AKAP13: variants seen among roughly 807,000 people sequenced by gnomAD.
AKAP13 encodes the protein A-kinase anchoring protein 13, also known as A-kinase anchor protein 13.
A neutral mutation model predicts 264.5 loss-of-function variants in AKAP13; 80 were observed. That is an observed-to-expected ratio of 0.30 (90% confidence interval 0.25 to 0.36). The LOEUF is 0.36. Ranked by LOEUF, AKAP13 falls within the 10% of genes least tolerant of loss-of-function variation. AKAP13 has a pLI of 1.00. For missense variants in AKAP13, 3,712 were observed against 3,435.2 expected, an observed-to-expected ratio of 1.08 and a Z score of -2.01; for synonymous variants, 1,380 against 1,250.2, an observed-to-expected ratio of 1.10 and a Z score of -2.19.
intron 2 of AKAP13, among the ~76,000 whole-genome samples, chr15:85,505,678 T>C (rs1169893694): frequency 6.6e-6 from 1 of 152,226 alleles, no homozygotes; most frequent in East Asian, 1.9e-4. Context: ...TTGCATGAGA[T>C]ACTTTGAGGT....
chr15:85,390,761 C>T lies in AKAP13; in HGVS notation c.-12+9963C>T, dbSNP rs181290253. 1.4e-4 allele frequency among the ~76,000 whole-genome samples: 21 copies of T among 152,212 alleles called. No individual in the cohort carries two copies. The East Asian group carries it at 3.5e-3, about 25-fold the overall frequency. ...CGCTGAAAATAGAACTATAGGATTA[C>T]TTACAGATTGGAAAAAGGTTCTAAA... On this transcript the variant is annotated intron_variant, in intron 1 of 36. Transcript: ENST00000394518.
intron 1 of AKAP13, among the ~76,000 whole-genome samples, chr15:85,431,045 A>G (rs1441039854): frequency 1.3e-5 from 2 of 152,184 alleles, no homozygotes; most frequent in African/African-American, 2.4e-5. Flanking sequence ...ATAATGAGAG[A>G]TAAAGGTCAT....
At chr15:85,621,851 C>T (rs2081205624) in intron 8 of AKAP13, among the ~76,000 whole-genome samples, 1 of 152,100 alleles carries the variant, frequency 6.6e-6, no homozygotes, top group African/African-American at 2.4e-5. Flanking sequence ...TTGTTTTCCC[C>T]ACAAACCTAC....
intron 13 of AKAP13, among the ~76,000 whole-genome samples, chr15:85,667,469 C>T (rs1296750102): frequency 6.6e-6 from 1 of 152,152 alleles, no homozygotes; most frequent in Non-Finnish European, 1.5e-5. Flanking sequence ...AAAATAGGAA[C>T]AATTCTTGGA....
At chr15:85,691,004 T>C (rs2151633199) in intron 16 of AKAP13, among the ~76,000 whole-genome samples, 1 of 152,350 alleles carries the variant, frequency 6.6e-6, no homozygotes, top group East Asian at 1.9e-4. Flanking sequence ...TTCAGATTTT[T>C]AGCTGTTATT....
At chr15:85,721,722 TAA>T (rs1401261370) in intron 23 of AKAP13, among the ~76,000 whole-genome samples, 3 of 152,238 alleles carry the variant, frequency 2.0e-5, no homozygotes, top group African/African-American at 7.2e-5. Context: ...GCACAGTACA[TAA>T]AGTTTCTTTA....
chr15:85,594,767 C>G (rs1191767316), intron 8 of AKAP13, among the ~76,000 whole-genome samples: 1 of 152,134 alleles, frequency 6.6e-6, no homozygotes, highest in Non-Finnish European at 1.5e-5. Context: ...CAGGGATCTA[C>G]CTGGGTACCT....
chr15:85,558,615 A>G (rs2078235763), intron 5 of AKAP13, among the ~76,000 whole-genome samples: 1 of 152,224 alleles, frequency 6.6e-6, no homozygotes, highest in East Asian at 1.9e-4. Flanking sequence ...TAAAGTTACC[A>G]GTTTCTGTAA....
chr15:85,681,523 G>A (rs2084598240), intron 14 of AKAP13, among the ~76,000 whole-genome samples: 1 of 152,004 alleles, frequency 6.6e-6, no homozygotes, highest in African/African-American at 2.4e-5. Context: ...GTACGCATCT[G>A]CCTCATTCAT....
chr15:85,619,549 G>T (rs2081083336), intron 8 of AKAP13: 1 of 985,172 alleles, frequency 1.0e-6, no homozygotes, highest in Non-Finnish European at 1.2e-6. Flanking sequence ...CTTTGTCTTT[G>T]TTTTTGTTTT....
intron 1 of AKAP13, among the ~76,000 whole-genome samples, chr15:85,384,398 G>A (rs1191735549): frequency 6.6e-6 from 1 of 152,188 alleles, no homozygotes; most frequent in Non-Finnish European, 1.5e-5. Context: ...AATGGGGAGA[G>A]ACGAGAAAGC....
chr15:85,668,576 G>C (rs1391341365), intron 13 of AKAP13, among the ~76,000 whole-genome samples: 3 of 152,188 alleles, frequency 2.0e-5, no homozygotes, highest in Admixed American at 2.0e-4. Flanking sequence ...AGAGATTTAG[G>C]CTTCTTTCCA....
chr15:85,623,880 G>T (rs1004348046), intron 8 of AKAP13, among the ~76,000 whole-genome samples: 2 of 152,242 alleles, frequency 1.3e-5, no homozygotes, highest in South Asian at 2.1e-4. Context: ...GGATATGAAA[G>T]AATTGTAATT....
In AKAP13 at chr15:85,723,346, G is replaced by A. The variant is rs772541652; in HGVS notation, c.6745+26G>A. On this transcript the variant is annotated intron_variant, in intron 26 of 36. Coordinates refer to ENST00000394518, the MANE Select transcript of AKAP13 (RefSeq NM_007200.5). ...GTAAGGCTTGGCTCTTTTGTCTTAA[G>A]TATGTGCCCAGGTAAAACAGGCAAA... 5.0e-6 allele frequency: 8 copies of A among 1,606,202 alleles called. No individual in the cohort carries two copies. The South Asian group carries it at 8.8e-5, about 18-fold the overall frequency.
At chr15:85,723,417 A>G (rs2151732201) in intron 26 of AKAP13, 97 bp downstream of exon 26, 1 of 1,527,370 alleles carries the variant, frequency 6.5e-7, no homozygotes, top group Non-Finnish European at 8.8e-7. Flanking sequence ...TTTTTTTCCC[A>G]GAGAGCCCAT....
Position 85,727,002 on chromosome 15 carries a change from A to C in AKAP13, c.6823-64A>C. 1 of 1,573,684 alleles carries C rather than the reference A, an allele frequency of 6.4e-7. No homozygotes were observed. ...AGCATCTGGTCTTACCTTAGATTGA[A>C]GCTGTCCTTCAGAGTTAGAATATTG... On this transcript the variant is annotated intron_variant, in intron 27 of 36. Coordinates refer to ENST00000394518, the MANE Select transcript of AKAP13 (RefSeq NM_007200.5). The surrounding 1 kb of genome is among the most constrained non-coding windows in gnomAD (Gnocchi z 5.3).
At chr15:85,493,388 G>C (rs2151075234) in intron 2 of AKAP13, among the ~76,000 whole-genome samples, 1 of 152,264 alleles carries the variant, frequency 6.6e-6, no homozygotes, top group South Asian at 2.1e-4. Context: ...AATCTGCCTA[G>C]CATAGGCCCT....
intron 17 of AKAP13, among the ~76,000 whole-genome samples, chr15:85,693,897 G>C (rs550420025): frequency 6.6e-6 from 1 of 152,254 alleles, no homozygotes; most frequent in African/African-American, 2.4e-5. Context: ...GTTTAAGATA[G>C]GCCAGGCTAA....
At chr15:85,698,482 A>AT (rs71141477) in intron 17 of AKAP13, among the ~76,000 whole-genome samples, 9 of 149,528 alleles carry the variant, frequency 6.0e-5, no homozygotes, top group East Asian at 2.0e-4. Context: ...AAAAAAAAAA[A>AT]GGAGAGAGAG....
Sources: gnomAD v4.1 joint callset for allele counts (sites outside exome capture counted in the v4.1 genomes callset) on GRCh38, gnomAD v4.1.1 for gene constraint, Gnocchi (gnomAD v3.1) non-coding constraint, MANE v1.5 for transcripts, NCBI Gene and HGNC (gene_info 2026-07-23, HGNC 2026-07-21) for gene names.